Variants in SIAH2 observed in about 807,000 individuals in gnomAD.
SIAH2 encodes E3 ubiquitin-protein ligase SIAH2.
SIAH2 carries 4 observed loss-of-function variants against 20.4 expected under a neutral mutation model. The ratio of observed to expected loss-of-function variants is 0.20; its 90% CI spans 0.10 to 0.45. SIAH2 has a LOEUF of 0.45. SIAH2 is among the 20% of genes least tolerant of loss of function. SIAH2 has a pLI of 0.99. For missense variants in SIAH2, 259 were observed against 440.3 expected (o/e 0.59, Z 3.69); for synonymous variants, 171 against 192.5 (o/e 0.89, Z 0.93).
At chr3:150,747,715 T>C (rs1365753507) in intron 1 of SIAH2, among the ~76,000 whole-genome samples, 1 of 151,838 alleles carries the variant, frequency 6.6e-6, no homozygotes, top group Non-Finnish European at 1.5e-5. Flanking sequence ...TTGAGTCGGG[T>C]GGATCACCTG....
chr3:150,747,137 C>T (rs1714233717), intron 1 of SIAH2, among the ~76,000 whole-genome samples: 1 of 152,202 alleles, frequency 6.6e-6, no homozygotes, highest in Non-Finnish European at 1.5e-5. Flanking sequence ...CACCCCTGGC[C>T]ACCAACCCAA....
chr3:150,746,700 C>G (rs906981654), intron 1 of SIAH2, among the ~76,000 whole-genome samples: 1 of 152,246 alleles, frequency 6.6e-6, no homozygotes, highest in Non-Finnish European at 1.5e-5. Flanking sequence ...TTGAGAACCA[C>G]TGACTCTGAT....
chr3:150,743,351 C>T (rs1225318740), intron 1 of SIAH2, among the ~76,000 whole-genome samples: 11 of 152,170 alleles, frequency 7.2e-5, no homozygotes, highest in Admixed American at 7.2e-4. Flanking sequence ...GGGGGCTTTG[C>T]CCATATTTTT....
chr3:150,752,051 T>C (rs1003695402), intron 1 of SIAH2, among the ~76,000 whole-genome samples: 5 of 152,252 alleles, frequency 3.3e-5, no homozygotes, highest in African/African-American at 1.2e-4. Flanking sequence ...CACATTGTCA[T>C]GGAGAACCAG....
At chr3:150,758,461 G>T (rs114092781) in intron 1 of SIAH2, among the ~76,000 whole-genome samples, 3,427 of 151,776 alleles carry the variant, frequency 0.023, 124 homozygotes, top group African/African-American at 0.079. Context: ...GAAGGGGTGA[G>T]TTTAAGTCTG....
At chr3:150,745,046 T>C (rs987089438) in intron 1 of SIAH2, among the ~76,000 whole-genome samples, 2 of 152,164 alleles carry the variant, frequency 1.3e-5, no homozygotes, top group Non-Finnish European at 2.9e-5. Context: ...TCATGTTTTT[T>C]CATAAGGATC....
chr3:150,749,336 T>C (rs969121650), intron 1 of SIAH2, among the ~76,000 whole-genome samples: 3 of 150,542 alleles, frequency 2.0e-5, no homozygotes, highest in Non-Finnish European at 4.4e-5. Context: ...CCTGTCTCTA[T>C]AAAAAGTTAA....
intron 1 of SIAH2, among the ~76,000 whole-genome samples, chr3:150,745,250 C>T (rs1047089195): frequency 2.0e-5 from 3 of 146,872 alleles, no homozygotes; most frequent in African/African-American, 8.1e-5. Flanking sequence ...TACACACACA[C>T]ACACACACAC....
intron 1 of SIAH2, among the ~76,000 whole-genome samples, chr3:150,760,332 ATTGGCCC>A (rs1399510824): frequency 2.0e-5 from 3 of 152,190 alleles, no homozygotes; most frequent in Admixed American, 1.3e-4. Flanking sequence ...CAGGGGAATA[ATTGGCCC>A]TTTTAAATTT....
At chr3:150,745,240 TACACACACACACACACACACACACACAC>T (rs5853495) in intron 1 of SIAH2, among the ~76,000 whole-genome samples, 1 of 140,562 alleles carries the variant, frequency 7.1e-6, no homozygotes, top group Non-Finnish European at 1.6e-5. Context: ...TTTAACCCCC[TACACACACACACACACACACACACACAC>T]ACACACACAC....
At chr3:150,743,906 GGAACT>G (rs1046710603) in intron 1 of SIAH2, among the ~76,000 whole-genome samples, 2 of 151,816 alleles carry the variant, frequency 1.3e-5, no homozygotes, top group African/African-American at 4.8e-5. Context: ...GAATGGCAGG[GGAACT>G]GTCTGGCTAA....
intron 1 of SIAH2, among the ~76,000 whole-genome samples, chr3:150,755,442 C>T (rs1426678769): frequency 6.7e-6 from 1 of 150,212 alleles, no homozygotes; most frequent in Non-Finnish European, 1.5e-5. Flanking sequence ...GCGATCCTCC[C>T]ACCTCAGCCC....
At position 150,756,078 on chromosome 3, in the gene SIAH2, G is replaced by A. The variant is rs561656316; in HGVS notation, c.417+6355C>T. Among the ~76,000 whole-genome samples, 11 of 152,290 alleles carry A rather than the reference G, an allele frequency of 7.2e-5. No individual in the cohort carries two copies. In the East Asian group the frequency reaches 2.1e-3, roughly 29 times the overall value. On this transcript the variant is annotated intron_variant, in intron 1 of 1. Transcript: ENST00000312960. The stretch of plus-strand genomic sequence containing the variant: ...AAATCTTTACCAAACTGGAAATGAG[G>A]AAAACAACAGTTTTGCAATCTAGGG...
At chr3:150,760,466 T>A in intron 1 of SIAH2, among the ~76,000 whole-genome samples, 1 of 152,318 alleles carries the variant, frequency 6.6e-6, no homozygotes, top group Non-Finnish European at 1.5e-5. Flanking sequence ...CTCTTCAAGG[T>A]TGATTTCAGT....
At chr3:150,745,198 G>A (rs2108117193) in intron 1 of SIAH2, among the ~76,000 whole-genome samples, 1 of 150,644 alleles carries the variant, frequency 6.6e-6, no homozygotes, top group African/African-American at 2.4e-5. Context: ...CATAACAACT[G>A]GTGCCACTTT....
chr3:150,751,818 C>T (rs550317657), intron 1 of SIAH2, among the ~76,000 whole-genome samples: 6 of 152,250 alleles, frequency 3.9e-5, no homozygotes, highest in African/African-American at 9.6e-5. Context: ...GTCAGCCTCT[C>T]GAAGTGTTGG....
rs760846493 is a variant in SIAH2, at chr3:150,742,252, A to G, written c.864T>C (p.Ala288=). The G allele has an allele frequency of 6.2e-7, 1 of 1,614,200 alleles. No individual in the cohort carries two copies. The highest frequency in any genetic ancestry group is 8.5e-7 in the Non-Finnish European group (1 of 1,180,040). ...GGCAGTCGCTGTTCATGATGGCCGC[A>G]GCCACACCGTCATGAATCGAACGGG... ...ATPRSIHDGV[A]AAIMNSDCLV... is the part of the protein sequence containing the mutation. The change falls in exon 2 of 2, where the codon GCT becomes GCC. Residue 288 remains alanine (A), a synonymous_variant. Coordinates refer to ENST00000312960, the MANE Select transcript of SIAH2 (RefSeq NM_005067.7). This position sits in a 1 kb window ranked among gnomAD's most constrained non-coding sequence, Gnocchi z 4.8.
chr3:150,750,863 T>G (rs2108120647), intron 1 of SIAH2, among the ~76,000 whole-genome samples: 1 of 152,324 alleles, frequency 6.6e-6, no homozygotes, highest in South Asian at 2.1e-4. Flanking sequence ...AAGTAGCCAG[T>G]GTCCTGTGTG....
chr3:150,753,208 G>C (rs979091828), intron 1 of SIAH2, among the ~76,000 whole-genome samples: 4 of 152,206 alleles, frequency 2.6e-5, no homozygotes, highest in Non-Finnish European at 1.5e-5. Context: ...ACTTAGGAGA[G>C]TTTCAGAAAG....
Sources: gnomAD v4.1 joint callset for allele counts (sites outside exome capture counted in the v4.1 genomes callset) on GRCh38, gnomAD v4.1.1 for gene constraint, Gnocchi (gnomAD v3.1) non-coding constraint, MANE v1.5 for transcripts, NCBI Gene and HGNC (gene_info 2026-07-23, HGNC 2026-07-21) for gene names.